UBR4: variants seen among roughly 807,000 people sequenced by gnomAD.
UBR4 encodes E3 ubiquitin-protein ligase UBR4.
In UBR4, 124 loss-of-function variants were observed where a neutral mutation model predicts 575.6. That is an observed-to-expected ratio of 0.22 (90% CI 0.19 to 0.25). UBR4 has a LOEUF of 0.25. Ranked by LOEUF, UBR4 falls within the 10% of genes least tolerant of loss-of-function variation. The pLI, the probability that UBR4 is intolerant of heterozygous loss-of-function variation, is 1.00. For missense variants in UBR4, 4,818 were observed against 6,478.8 expected, an observed-to-expected ratio of 0.74 and a Z score of 8.80; for synonymous variants, 2,455 against 2,473.7, an observed-to-expected ratio of 0.99 and a Z score of 0.22.
At chr1:19,185,329 A>C (rs770448284) in intron 14 of UBR4, 43 bp from the exon 15 acceptor site, 1 of 1,501,734 alleles carries the variant, frequency 6.7e-7, no homozygotes, top group Non-Finnish European at 8.9e-7. Context: ...ATATTTTTTA[A>C]AAGTGTTTTT....
rs113775530 is a variant in UBR4 at position 19,113,999 on chromosome 1, T to C, written c.11274A>G (p.Pro3758=). The change falls in exon 76 of 106, where the codon CCA becomes CCG. Residue 3758 remains proline (P), a synonymous_variant. Transcript: ENST00000375254. ...CTTTGCAGAGCAGGTTCTCCAGCTG[T>C]GGCCGGTGTCCCATCAGCTGATGAT... ...RVYHQLMGHR[P]QLENLLCKVN... 1.2e-3 allele frequency: 1,997 copies of C among 1,614,258 alleles called. 4 individuals carry two copies. The highest frequency in any genetic ancestry group is 1.6e-3 in the Non-Finnish European group (1,846 of 1,180,048).
At chr1:19,169,916 T>C (rs2089230105) in intron 26 of UBR4, among the ~76,000 whole-genome samples, 1 of 152,198 alleles carries the variant, frequency 6.6e-6, no homozygotes, top group Admixed American at 6.5e-5. Context: ...TTAAGACGAA[T>C]CTTAAGGGCA....
chr1:19,122,558 T>C (rs2081287886), intron 66 of UBR4, among the ~76,000 whole-genome samples: 1 of 152,106 alleles, frequency 6.6e-6, no homozygotes, highest in African/African-American at 2.4e-5. Context: ...TGTAAGCAAA[T>C]GGCACTGGTA....
chr1:19,209,929 C>G (rs2093231099), intron 1 of UBR4, 144 bp downstream of exon 1: 6 of 1,335,196 alleles, frequency 4.5e-6, no homozygotes, highest in Non-Finnish European at 5.8e-6. Flanking sequence ...AAGCCAGTCT[C>G]CCCGGGCCCG....
chr1:19,090,864 G>A (rs1003705059), intron 97 of UBR4, among the ~76,000 whole-genome samples: 1 of 152,146 alleles, frequency 6.6e-6, no homozygotes, highest in Non-Finnish European at 1.5e-5. Flanking sequence ...GGAGGCTGAG[G>A]GGAGCGGATC....
chr1:19,161,889 A>G lies in UBR4; in HGVS notation c.4965T>C (p.Asp1655=). 1 of 1,614,158 alleles carries G rather than the reference A, an allele frequency of 6.2e-7. No homozygotes were observed. Among genetic ancestry groups the G allele is most frequent in the Non-Finnish European group, 8.5e-7 (1 of 1,180,022 alleles). ...EDSQAEDSDE[D]SLCNKLCTFT... The stretch of plus-strand genomic sequence containing the variant: ...AAGTGCAGAGTTTATTGCAAAGAGA[A>G]TCTTCATCCTTCAAAAATAATAAGT... Residue 1655 remains aspartate (D), a synonymous_variant, in exon 36 of 106, where the codon GAT becomes GAC. Transcript: ENST00000375254.
chr1:19,132,783 C>G (rs1224570134), intron 60 of UBR4, among the ~76,000 whole-genome samples: 3 of 151,412 alleles, frequency 2.0e-5, no homozygotes, highest in Admixed American at 2.0e-4. Context: ...TGAAAAAAAG[C>G]AAATCACTAC....
In UBR4 at chr1:19,093,126, C is replaced by T. The variant is rs1380861857; in HGVS notation, c.14111+187G>A. ...AAGTAGAAACCAAAAAGTTGCCATCCTTTTCCGGCAAGCCCCGAGGACTCT... is the reference window on the plus strand; with the variant it reads ...AAGTAGAAACCAAAAAGTTGCCATCTTTTTCCGGCAAGCCCCGAGGACTCT... On this transcript the variant is annotated intron_variant, in intron 96 of 105. Transcript: ENST00000375254. This position sits in a 1 kb window ranked among gnomAD's most constrained non-coding sequence, Gnocchi z 4.8. Among the ~76,000 whole-genome samples the T allele has an allele frequency of 1.3e-5, 2 of 152,236 alleles. No homozygotes were observed. The highest frequency in any genetic ancestry group is 2.9e-5 in the Non-Finnish European group (2 of 68,042).
chr1:19,100,693 T>G lies in UBR4; in HGVS notation c.13024-120A>C, dbSNP rs1203331991. On this transcript the variant is annotated intron_variant, in intron 88 of 105. Transcript: ENST00000375254. This position sits in a 1 kb window ranked among gnomAD's most constrained non-coding sequence, Gnocchi z 4.2. Reference sequence around the variant, plus strand: ...CCAAACTCAGCAAGCCCCCCAAACATTTAAAGATACAAAGGACAGGAAACT... The same window carrying G: ...CCAAACTCAGCAAGCCCCCCAAACAGTTAAAGATACAAAGGACAGGAAACT... 1.1e-6 allele frequency: 1 copy of G among 924,720 alleles called. No individual in the cohort carries two copies. The highest frequency in any genetic ancestry group is 1.6e-6 in the Non-Finnish European group (1 of 609,916). The allele number at this position is 924,720 out of a possible 1,614,324, so 57.3% of individuals were successfully genotyped here. A position where few individuals can be genotyped will look rare whatever the true frequency, so the allele number is the denominator to read the frequency against.
chr1:19,180,478 T>G (rs1364248632), intron 17 of UBR4, among the ~76,000 whole-genome samples: 2 of 150,990 alleles, frequency 1.3e-5, no homozygotes, highest in Non-Finnish European at 2.9e-5. Flanking sequence ...AACCACATTC[T>G]TAACCACCAT....
chr1:19,201,744 T>C lies in UBR4; in HGVS notation c.248A>G (p.His83Arg). 1 of 1,614,076 alleles carries C rather than the reference T, an allele frequency of 6.2e-7. No individual in the cohort carries two copies. The highest frequency in any genetic ancestry group is 8.5e-7 in the Non-Finnish European group (1 of 1,179,938). Residue 83 changes from histidine (H) to arginine (R), a missense_variant, in exon 2 of 106, where the codon CAC (histidine) becomes CGC (arginine). By Grantham distance (29) the His-to-Arg change is conservative. Around this residue, in one of 29 missense-constraint regions of UBR4, gnomAD observed 85 missense variants for 134.2 expected, o/e 0.63. Transcript: ENST00000375254. ...FYSSFVALST[H>R]YITTVCSLIP... ...GAGACTGCAAACTGTTGTAATATAG[T>C]GTGTGGAAAGTGCAACAAAAGATGA...
At chr1:19,172,062 T>G (rs2089632428) in intron 25 of UBR4, among the ~76,000 whole-genome samples, 1 of 152,224 alleles carries the variant, frequency 6.6e-6, no homozygotes, top group African/African-American at 2.4e-5. Context: ...TCTCCCAATT[T>G]TATATACTGA....
intron 28 of UBR4, 22 bp from the exon 29 acceptor site, chr1:19,167,253 C>A: frequency 6.2e-7 from 1 of 1,613,348 alleles, no homozygotes; most frequent in Non-Finnish European, 8.5e-7. Flanking sequence ...AAAATGAAAT[C>A]GAGTTAGTGA....
Position 19,156,929 on chromosome 1 carries a change from C to T in UBR4, c.5761-4G>A. On this transcript the variant is annotated splice_polypyrimidine_tract_variant and splice_region_variant and intron_variant, in intron 40 of 105. Coordinates refer to ENST00000375254, the MANE Select transcript of UBR4 (RefSeq NM_020765.3). ...CAGAGAGCTGCAGAACGGTGATCTG[C>T]AAAGGAACAATGACTAATTTATTCC... 1 of 1,612,516 alleles carries T rather than the reference C, an allele frequency of 6.2e-7. No homozygotes were observed. Among genetic ancestry groups the T allele is most frequent in the South Asian group, 1.1e-5 (1 of 90,912 alleles).
chr1:19,152,641 A>G lies in UBR4; in HGVS notation c.6833-165T>C, dbSNP rs572893829. On this transcript the variant is annotated intron_variant, in intron 46 of 105. Transcript: ENST00000375254. The surrounding 1 kb of genome is among the most constrained non-coding windows in gnomAD (Gnocchi z 4.4). ...ATGCCTACATGTGGTTAGCTCTCCA[A>G]TGGTTGTTATCCCTAACTATGACAT... Among the ~76,000 whole-genome samples, 26 of 152,308 alleles carry G rather than the reference A, an allele frequency of 1.7e-4. No homozygotes were observed. Among genetic ancestry groups the G allele is most frequent in the Middle Eastern group, 3.4e-3 (1 of 294 alleles).
chr1:19,126,320 C>T, intron 64 of UBR4, 126 bp downstream of exon 64: 1 of 1,126,142 alleles, frequency 8.9e-7, no homozygotes, highest in Non-Finnish European at 1.3e-6. Context: ...TTAACCCCCA[C>T]CAAGGAATGC....
chr1:19,108,323 T>C (rs893980991), intron 81 of UBR4, among the ~76,000 whole-genome samples: 1 of 152,202 alleles, frequency 6.6e-6, no homozygotes, highest in South Asian at 2.1e-4. Context: ...GCTCACTTCA[T>C]TCATTTTGAG....
chr1:19,154,421 C>T (rs1388660247), intron 44 of UBR4, among the ~76,000 whole-genome samples: 2 of 152,200 alleles, frequency 1.3e-5, no homozygotes, highest in Non-Finnish European at 2.9e-5. Context: ...TCTTCTTCCT[C>T]CTCCCTAAAT....
Position 19,145,544 on chromosome 1 carries a change from G to C in UBR4, c.7945+249C>G, listed in dbSNP as rs372184423. 8.8e-5 allele frequency among the ~76,000 whole-genome samples: 9 copies of C among 102,794 alleles called. No homozygotes were observed. The South Asian group carries it at 2.8e-3, about 32-fold the overall frequency. The allele number at this position is 102,794 out of a possible 152,430, so 67.4% of individuals were successfully genotyped here. ...ACACACACACACACACACACACACA[G>C]TGCCTCTTTATGTAAAATATTCAAC... On this transcript the variant is annotated intron_variant, in intron 53 of 105. Coordinates refer to ENST00000375254, the MANE Select transcript of UBR4 (RefSeq NM_020765.3).
Sources: gnomAD v4.1 joint callset for allele counts (sites outside exome capture counted in the v4.1 genomes callset) on GRCh38, gnomAD v4.1.1 for gene constraint, gnomAD v4.1.1 regional missense constraint, Gnocchi (gnomAD v3.1) non-coding constraint, MANE v1.5 for transcripts, NCBI Gene and HGNC (gene_info 2026-07-23, HGNC 2026-07-21) for gene names.